ERBB4: variants seen among roughly 807,000 people sequenced by gnomAD.
The protein encoded by ERBB4 is receptor tyrosine-protein kinase erbB-4.
A neutral mutation model predicts 158.0 loss-of-function variants in ERBB4; 42 were observed. The ratio of observed to expected loss-of-function variants is 0.27; its 90% CI spans 0.21 to 0.34. The LOEUF is 0.34. Among genes scored for constraint, ERBB4 ranks in the 10% least tolerant of loss-of-function variants. ERBB4 has a pLI of 1.00. For synonymous variants in ERBB4, 583 were observed against 558.7 expected (o/e 1.04, Z -0.61); for missense variants, 1,333 against 1,624.1 (o/e 0.82, Z 3.08).
At chr2:212,154,331 G>T (rs1412061407) in intron 1 of ERBB4, among the ~76,000 whole-genome samples, 3 of 152,078 alleles carry the variant, frequency 2.0e-5, no homozygotes, top group African/African-American at 7.2e-5. Context: ...AATATACAAG[G>T]AAATTATTGA....
At position 211,714,621 on chromosome 2, in the gene ERBB4, G is replaced by C. The variant is rs1036116398; in HGVS notation, c.884-973C>G. Among the ~76,000 whole-genome samples, 4 of 152,170 alleles carry C rather than the reference G, an allele frequency of 2.6e-5. No individual in the cohort carries two copies. The South Asian group carries it at 8.3e-4, about 31-fold the overall frequency. On this transcript the variant is annotated intron_variant, in intron 7 of 27. Coordinates refer to ENST00000342788, the MANE Select transcript of ERBB4 (RefSeq NM_005235.3). The stretch of plus-strand genomic sequence containing the variant: ...CAACAGAGACTTCTAGGTTTTTAGA[G>C]CTAAGCTATGCCACCTGTAGCACAG...
At chr2:212,320,250 C>G (rs1228135631) in intron 1 of ERBB4, among the ~76,000 whole-genome samples, 2 of 148,366 alleles carry the variant, frequency 1.3e-5, no homozygotes, top group African/African-American at 4.9e-5. Context: ...CCTGTGGCTG[C>G]CAGCATATAG....
chr2:212,461,784 C>T (rs1295966653), intron 1 of ERBB4, among the ~76,000 whole-genome samples: 3 of 152,102 alleles, frequency 2.0e-5, no homozygotes, highest in Non-Finnish European at 4.4e-5. Context: ...TGGGAGGGAC[C>T]TGGTGGGAGA....
chr2:211,915,885 C>T (rs1392978367), intron 3 of ERBB4, among the ~76,000 whole-genome samples: 1 of 151,648 alleles, frequency 6.6e-6, no homozygotes, highest in Non-Finnish European at 1.5e-5. Context: ...TTCTAAGTTC[C>T]AGGATTTATG....
At chr2:212,118,067 A>G (rs1264127783) in intron 2 of ERBB4, among the ~76,000 whole-genome samples, 4 of 152,334 alleles carry the variant, frequency 2.6e-5, no homozygotes, top group South Asian at 2.1e-4. Flanking sequence ...TTAAAAGTAC[A>G]TGAGGAAGAT....
intron 20 of ERBB4, among the ~76,000 whole-genome samples, chr2:211,515,141 GACA>G (rs1484383618): frequency 6.6e-6 from 1 of 152,044 alleles, no homozygotes; most frequent in Admixed American, 6.5e-5. Context: ...TCTTGACAAA[GACA>G]ACAAACATCC....
intron 17 of ERBB4, among the ~76,000 whole-genome samples, chr2:211,626,859 A>G (rs984652199): frequency 2.6e-5 from 4 of 152,004 alleles, no homozygotes; most frequent in Non-Finnish European, 5.9e-5. Context: ...CAGGAGGCGG[A>G]GCTTGCAGTG....
chr2:212,459,531 G>T (rs1019338504), intron 1 of ERBB4, among the ~76,000 whole-genome samples: 1 of 151,994 alleles, frequency 6.6e-6, no homozygotes, highest in African/African-American at 2.4e-5. Context: ...ACCAAAAGCA[G>T]TCTACATGTT....
rs561392400 is a variant in ERBB4, at chr2:212,199,398, A to C, written c.83-74495T>G. ...GAGTGAACCTCATTAGTGACTTTAA[A>C]TATTTTAAAAATAATCTACCTGGAT... On this transcript the variant is annotated intron_variant, in intron 1 of 27. Coordinates refer to ENST00000342788, the MANE Select transcript of ERBB4 (RefSeq NM_005235.3). Among the ~76,000 whole-genome samples the C allele has an allele frequency of 1.3e-3, 196 of 152,288 alleles. 1 individual carries two copies. The highest frequency in any genetic ancestry group is 4.4e-3 in the African/African-American group (181 of 41,564).
intron 3 of ERBB4, among the ~76,000 whole-genome samples, chr2:211,844,993 G>C (rs1327752274): frequency 6.6e-6 from 1 of 152,092 alleles, no homozygotes. Flanking sequence ...TGGAAGTCAT[G>C]ATGGTGTTCT....
intron 20 of ERBB4, among the ~76,000 whole-genome samples, chr2:211,541,320 G>C (rs1044363723): frequency 4.0e-5 from 6 of 151,830 alleles, no homozygotes; most frequent in African/African-American, 1.4e-4. Context: ...GCTACTTTTT[G>C]TGTCTCCCTA....
At position 211,380,027 on chromosome 2, in the gene ERBB4, A is replaced by G; in HGVS notation, c.*3588T>C. 5.7e-6 allele frequency: 1 copy of G among 174,958 alleles called. No individual in the cohort carries two copies. Among genetic ancestry groups the G allele is most frequent in the Non-Finnish European group, 1.1e-5 (1 of 88,266 alleles). The allele number at this position is 174,958 out of a possible 1,614,324, so 10.8% of individuals were successfully genotyped here. A position where few individuals can be genotyped will look rare whatever the true frequency, so the allele number is the denominator to read the frequency against. On this transcript the variant is annotated 3_prime_UTR_variant, in exon 28 of 28. Coordinates refer to ENST00000342788, the MANE Select transcript of ERBB4 (RefSeq NM_005235.3). The stretch of plus-strand genomic sequence containing the variant: ...TTTAGAAGGTATTAGCTCACACACT[A>G]TAACACTTAAACACTATTCCTTCTC...
chr2:212,077,156 T>C (rs2078299596), intron 2 of ERBB4, among the ~76,000 whole-genome samples: 1 of 151,998 alleles, frequency 6.6e-6, no homozygotes, highest in Non-Finnish European at 1.5e-5. Flanking sequence ...AGCAAAGATA[T>C]GGGACAATGG....
intron 5 of ERBB4, among the ~76,000 whole-genome samples, chr2:211,749,586 A>G (rs974776164): frequency 6.6e-6 from 1 of 152,238 alleles, no homozygotes; most frequent in East Asian, 1.9e-4. Context: ...CCCATGAATT[A>G]AAATTAATAA....
chr2:211,899,863 C>T (rs753130095), intron 3 of ERBB4, among the ~76,000 whole-genome samples: 5 of 152,076 alleles, frequency 3.3e-5, no homozygotes, highest in African/African-American at 4.8e-5. Context: ...TTTGTCTTGA[C>T]TGGCAGCTAA....
At chr2:212,087,670 G>GC (rs1472481514) in intron 2 of ERBB4, among the ~76,000 whole-genome samples, 1 of 152,020 alleles carries the variant, frequency 6.6e-6, no homozygotes, top group East Asian at 1.9e-4. Flanking sequence ...CAGGTTCTCA[G>GC]TCTTAGATCC....
At chr2:212,267,706 T>A (rs932918778) in intron 1 of ERBB4, among the ~76,000 whole-genome samples, 3 of 151,258 alleles carry the variant, frequency 2.0e-5, no homozygotes, top group Non-Finnish European at 4.4e-5. Context: ...CCATTAACTC[T>A]TCATTTAACG....
intron 1 of ERBB4, among the ~76,000 whole-genome samples, chr2:212,166,155 T>C (rs1254761471): frequency 6.6e-6 from 1 of 152,040 alleles, no homozygotes; most frequent in Non-Finnish European, 1.5e-5. Flanking sequence ...AAATAAACTA[T>C]TTTAAAGAAA....
chr2:211,651,542 T>G (rs1199096160), intron 16 of ERBB4, among the ~76,000 whole-genome samples: 1 of 152,162 alleles, frequency 6.6e-6, no homozygotes, highest in Non-Finnish European at 1.5e-5. Context: ...AGGTCCCAAA[T>G]TTCTTGACCT....
Sources: gnomAD v4.1 joint callset for allele counts (sites outside exome capture counted in the v4.1 genomes callset) on GRCh38, gnomAD v4.1.1 for gene constraint, MANE v1.5 for transcripts, NCBI Gene and HGNC (gene_info 2026-07-23, HGNC 2026-07-21) for gene names.